NOL4L: variants seen among roughly 807,000 people sequenced by gnomAD.
The protein encoded by NOL4L is nucleolar protein 4 like, also known as nucleolar protein 4-like.
In NOL4L, 7 loss-of-function variants were observed where a neutral mutation model predicts 64.5. The observed-to-expected ratio is 0.11, with a 90% confidence interval of 0.06 to 0.20. The LOEUF (loss-of-function observed/expected upper bound fraction) is 0.20, where lower values mean the gene tolerates loss of function less well. Among genes scored for constraint, NOL4L ranks in the 10% least tolerant of loss-of-function variants. The pLI is 1.00. For synonymous variants in NOL4L, 413 were observed against 401.0 expected (o/e 1.03, Z -0.36); for missense variants, 680 against 967.1 (o/e 0.70, Z 3.94).
rs1266843454 is a variant in NOL4L at position 32,445,147 on chromosome 20, A to G, written c.*2449T>C. ...GGGAGGCCCAATGGACTTTAACAACATATTCTTTCCTTTCTCTTGAAAACA... is the reference window on the plus strand; with the variant it reads ...GGGAGGCCCAATGGACTTTAACAACGTATTCTTTCCTTTCTCTTGAAAACA... On this transcript the variant is annotated 3_prime_UTR_variant, in exon 11 of 11. Transcript: ENST00000621426. The G allele has an allele frequency of 6.6e-6, 1 of 152,212 alleles. No homozygotes were observed. The highest frequency in any genetic ancestry group is 2.4e-5 in the African/African-American group (1 of 41,452). 9.4% of individuals were successfully genotyped at this position (152,212 alleles called of 1,614,324 possible).
At chr20:32,541,008 TACACACACACACACACACACAC>T (rs10675320) in intron 1 of NOL4L, among the ~76,000 whole-genome samples, 2 of 133,516 alleles carry the variant, frequency 1.5e-5, no homozygotes, top group African/African-American at 5.6e-5. Context: ...CGCCACCCCC[TACACACACACACACACACACAC>T]ACACACACAC....
At chr20:32,571,073 G>C (rs1979720436) in intron 1 of NOL4L, among the ~76,000 whole-genome samples, 5 of 152,236 alleles carry the variant, frequency 3.3e-5, no homozygotes, top group African/African-American at 9.6e-5. Flanking sequence ...GTTGGGCACA[G>C]AAGGGAGTGG....
chr20:32,491,942 C>T (rs1476375669), intron 4 of NOL4L, among the ~76,000 whole-genome samples: 2 of 152,090 alleles, frequency 1.3e-5, no homozygotes, highest in East Asian at 3.9e-4. Flanking sequence ...ATAGCAAGAC[C>T]CTGTCTCTGC....
At chr20:32,447,874 G>T in intron 10 of NOL4L, 58 bp from the exon 11 acceptor site, 2 of 1,511,974 alleles carry the variant, frequency 1.3e-6, no homozygotes, top group South Asian at 1.3e-5. Flanking sequence ...CATCTGGGAG[G>T]TGTACCTTCC....
At chr20:32,554,550 C>G (rs1978532326) in intron 1 of NOL4L, among the ~76,000 whole-genome samples, 1 of 151,950 alleles carries the variant, frequency 6.6e-6, no homozygotes, top group Non-Finnish European at 1.5e-5. Context: ...GCTTTCCTTC[C>G]CAAATATCAT....
At chr20:32,552,821 G>A (rs1296936353) in intron 1 of NOL4L, among the ~76,000 whole-genome samples, 2 of 152,088 alleles carry the variant, frequency 1.3e-5, no homozygotes, top group African/African-American at 2.4e-5. Flanking sequence ...TGGCCAACAT[G>A]GTGAAACCCA....
At chr20:32,527,952 G>A in intron 1 of NOL4L, 39 bp from the exon 2 acceptor site, 2 of 1,504,130 alleles carry the variant, frequency 1.3e-6, no homozygotes, top group Non-Finnish European at 1.8e-6. Flanking sequence ...TGTCAGGAAT[G>A]ATGGCGGGGT....
intron 4 of NOL4L, chr20:32,483,468 G>T: frequency 1.0e-6 from 1 of 991,818 alleles, no homozygotes; most frequent in Non-Finnish European, 1.2e-6. Flanking sequence ...TGCTGCCGCC[G>T]CGGCTGCCCG....
At chr20:32,454,064 A>G (rs902941591) in intron 6 of NOL4L, 1 of 367,764 alleles carries the variant, frequency 2.7e-6, no homozygotes, top group South Asian at 4.0e-5. Context: ...CTGTTTCCTC[A>G]GCAGAGGCCA....
At chr20:32,491,306 G>C (rs2016459800) in intron 4 of NOL4L, among the ~76,000 whole-genome samples, 1 of 152,198 alleles carries the variant, frequency 6.6e-6, no homozygotes, top group African/African-American at 2.4e-5. Context: ...GGGCTCCACT[G>C]AGGAGGTGAC....
intron 1 of NOL4L, among the ~76,000 whole-genome samples, chr20:32,564,697 C>T (rs559154763): frequency 3.9e-5 from 6 of 152,348 alleles, no homozygotes; most frequent in Admixed American, 6.5e-5. Flanking sequence ...TAGGAATCTC[C>T]GAGTTGTGTG....
At chr20:32,509,906 T>C (rs1271166199) in intron 4 of NOL4L, 1 of 1,304,240 alleles carries the variant, frequency 7.7e-7, no homozygotes, top group South Asian at 1.2e-5. Context: ...GATAACAGTG[T>C]TTACGAAGCC....
chr20:32,465,295 A>T (rs2145459684), intron 5 of NOL4L, among the ~76,000 whole-genome samples: 1 of 152,202 alleles, frequency 6.6e-6, no homozygotes, highest in East Asian at 1.9e-4. Flanking sequence ...ACCCGGGATG[A>T]GTGGAGGCGC....
intron 5 of NOL4L, among the ~76,000 whole-genome samples, chr20:32,465,782 G>A (rs2014493382): frequency 1.3e-5 from 2 of 152,226 alleles, no homozygotes; most frequent in South Asian, 2.1e-4. Flanking sequence ...CGCCAACGCG[G>A]CCTGGTCACT....
At chr20:32,487,586 A>G (rs1176902023) in intron 4 of NOL4L, among the ~76,000 whole-genome samples, 1 of 152,128 alleles carries the variant, frequency 6.6e-6, no homozygotes, top group East Asian at 1.9e-4. Flanking sequence ...GTGCTAGAGC[A>G]ATGTGGGCCA....
At chr20:32,486,248 C>A (rs928774063) in intron 4 of NOL4L, among the ~76,000 whole-genome samples, 2 of 152,200 alleles carry the variant, frequency 1.3e-5, no homozygotes, top group African/African-American at 4.8e-5. Context: ...CTCCCCCACT[C>A]CTTAAAGTGG....
intron 1 of NOL4L, among the ~76,000 whole-genome samples, chr20:32,529,268 G>C (rs1046967990): frequency 6.6e-6 from 1 of 152,204 alleles, no homozygotes; most frequent in Non-Finnish European, 1.5e-5. Context: ...GAACTGAGTT[G>C]TGTGTGCAGC....
rs2012320521 is a variant in NOL4L at position 32,446,172 on chromosome 20, G to A, written c.*1424C>T. On this transcript the variant is annotated 3_prime_UTR_variant, in exon 11 of 11. Transcript: ENST00000621426. ...GCCCTGGGGGCCTGCTGAGGTCTGGGCGAGTCCCTGGTTTAGCAGCACTGG... is the reference window on the plus strand; with the variant it reads ...GCCCTGGGGGCCTGCTGAGGTCTGGACGAGTCCCTGGTTTAGCAGCACTGG... The A allele has an allele frequency of 6.6e-6, 1 of 152,410 alleles. No individual in the cohort carries two copies. The highest frequency in any genetic ancestry group is 6.5e-5 in the Admixed American group (1 of 15,288). 9.4% of individuals were successfully genotyped at this position (152,410 alleles called of 1,614,324 possible).
In NOL4L at chr20:32,584,718, C is replaced by T; in HGVS notation, c.173G>A (p.Gly58Asp). 1 of 1,548,266 alleles carries T rather than the reference C, an allele frequency of 6.5e-7. No homozygotes were observed. Among genetic ancestry groups the T allele is most frequent in the Middle Eastern group, 1.7e-4 (1 of 5,984 alleles). Reference sequence around the variant, plus strand: ...GCTGCCCGCGCCAGTCCCGCCGCCGCCCTGCAGGACCTCGGCGATCCGCTG... The same window carrying T: ...GCTGCCCGCGCCAGTCCCGCCGCCGTCCTGCAGGACCTCGGCGATCCGCTG... ...KYQRIAEVLQ[G>D]GGGTGAGSGP... is the part of the protein sequence containing the mutation. Residue 58 changes from glycine to aspartate, a missense_variant, in exon 1 of 11, where the codon GGC becomes GAC. Coordinates refer to ENST00000621426, the MANE Select transcript of NOL4L (RefSeq NM_001256798.2).
Sources: allele counts gnomAD v4.1 joint callset (sites outside exome capture counted in the v4.1 genomes callset), GRCh38; gene constraint gnomAD v4.1.1; transcripts MANE v1.5; gene names NCBI Gene and HGNC (gene_info 2026-07-23, HGNC 2026-07-21).